The following GALNT18 variants were observed in gnomAD, a reference collection of about 807,000 sequenced individuals.
GALNT18 encodes GalNAc-transferase 18.
GALNT18 carries 44 observed loss-of-function variants against 69.5 expected under a neutral mutation model. The observed-to-expected ratio is 0.63, with a 90% confidence interval of 0.50 to 0.81. The LOEUF (loss-of-function observed/expected upper bound fraction) is 0.81, where lower values mean the gene tolerates loss of function less well. GALNT18 is among the 40% of genes least tolerant of loss of function. The pLI is 0.00. For missense variants in GALNT18, 715 were observed against 810.0 expected (o/e 0.88, Z 1.42); for synonymous variants, 364 against 318.2 (o/e 1.14, Z -1.53).
At chr11:11,557,132 C>G (rs560316556) in intron 1 of GALNT18, among the ~76,000 whole-genome samples, 3 of 152,086 alleles carry the variant, frequency 2.0e-5, no homozygotes, top group Admixed American at 2.0e-4. Context: ...TTAAGGAACT[C>G]CAGGGTGTCA....
intron 1 of GALNT18, among the ~76,000 whole-genome samples, chr11:11,460,855 C>T (rs1342411439): frequency 1.3e-5 from 2 of 152,094 alleles, no homozygotes; most frequent in African/African-American, 4.8e-5. Context: ...GATTCAGAAC[C>T]CTCTGAGAAA....
At chr11:11,280,807 T>G (rs1849057293) in intron 10 of GALNT18, among the ~76,000 whole-genome samples, 1 of 152,154 alleles carries the variant, frequency 6.6e-6, no homozygotes, top group Non-Finnish European at 1.5e-5. Context: ...GTGCTCCTGA[T>G]GGGTGTGAAG....
intron 9 of GALNT18, among the ~76,000 whole-genome samples, chr11:11,295,127 G>A (rs189835299): frequency 1.3e-5 from 2 of 152,350 alleles, no homozygotes; most frequent in Non-Finnish European, 2.9e-5. Flanking sequence ...GTGCAGGTGA[G>A]GAGGGTGAGT....
intron 1 of GALNT18, among the ~76,000 whole-genome samples, chr11:11,488,096 T>C (rs1282495868): frequency 6.6e-6 from 1 of 151,550 alleles, no homozygotes; most frequent in Non-Finnish European, 1.5e-5. Flanking sequence ...CTGTGCCTAT[T>C]TTATAGAGTA....
Position 11,562,589 on chromosome 11 carries a change from T to C in GALNT18, c.235+58770A>G, listed in dbSNP as rs1858539644. Among the ~76,000 whole-genome samples the C allele has an allele frequency of 6.6e-6, 1 of 152,062 alleles. No homozygotes were observed. Among genetic ancestry groups the C allele is most frequent in the South Asian group, 2.1e-4 (1 of 4,826 alleles). On this transcript the variant is annotated intron_variant, in intron 1 of 10. Transcript: ENST00000227756. This position sits in a 1 kb window ranked among gnomAD's most constrained non-coding sequence, Gnocchi z 4.1. The stretch of plus-strand genomic sequence containing the variant: ...CACCCACCACCATCACCATCAAACC[T>C]GCCTCCTACCCCAGCAACCCCATGG...
chr11:11,433,513 C>T (rs762238954), intron 2 of GALNT18, among the ~76,000 whole-genome samples: 1 of 152,214 alleles, frequency 6.6e-6, no homozygotes, highest in Non-Finnish European at 1.5e-5. Context: ...ACCAGGATCT[C>T]TCCTTGAAGC....
chr11:11,372,404 C>T lies in GALNT18; in HGVS notation c.1092+111G>A, dbSNP rs2133676168. On this transcript the variant is annotated intron_variant, in intron 6 of 10. Transcript: ENST00000227756. This position sits in a 1 kb window ranked among gnomAD's most constrained non-coding sequence, Gnocchi z 4.9. ...ATCACACACAGGATTCAGGACTGGA[C>T]ATTCAGAATCAGTCTGTGACCCTCA... 3.8e-6 allele frequency: 3 copies of T among 783,046 alleles called. No individual in the cohort carries two copies. The highest frequency in any genetic ancestry group is 4.0e-5 in the Admixed American group (2 of 50,312). 48.5% of individuals were successfully genotyped at this position (783,046 alleles called of 1,614,324 possible).
rs112225707 is a variant in GALNT18, at chr11:11,584,329, A to G, written c.235+37030T>C. On this transcript the variant is annotated intron_variant, in intron 1 of 10. Transcript: ENST00000227756. The surrounding 1 kb of genome is among the most constrained non-coding windows in gnomAD (Gnocchi z 4.1). ...TAAATAAATAACACCTTGCAAACAC[A>G]AGGGGACAGTTTGTATTTTAAAGTC... Among the ~76,000 whole-genome samples, 4,624 of 152,268 alleles carry G rather than the reference A, an allele frequency of 0.03. 219 individuals carry two copies. The highest frequency in any genetic ancestry group is 0.11 in the African/African-American group (4,367 of 41,520).
intron 6 of GALNT18, among the ~76,000 whole-genome samples, chr11:11,357,200 A>C (rs954707300): frequency 6.6e-6 from 1 of 152,038 alleles, no homozygotes; most frequent in African/African-American, 2.4e-5. Flanking sequence ...AGACCTTGGG[A>C]ATTTCAGGCC....
At chr11:11,572,729 C>T (rs543677246) in intron 1 of GALNT18, among the ~76,000 whole-genome samples, 5 of 152,168 alleles carry the variant, frequency 3.3e-5, no homozygotes, top group African/African-American at 7.2e-5. Context: ...AGATGGCCCT[C>T]GCAACCCTCG....
chr11:11,610,481 T>C (rs369816909), intron 1 of GALNT18, among the ~76,000 whole-genome samples: 12 of 152,334 alleles, frequency 7.9e-5, no homozygotes, highest in African/African-American at 2.6e-4. Flanking sequence ...TTAATTCTCT[T>C]CCTCTTCCCA....
chr11:11,346,323 A>C (rs1286352956), intron 6 of GALNT18, among the ~76,000 whole-genome samples: 1 of 152,238 alleles, frequency 6.6e-6, no homozygotes, highest in Non-Finnish European at 1.5e-5. Context: ...TGAATGAGTG[A>C]ATCTAGGAAT....
rs1337676695 is a variant in GALNT18 at position 11,581,211 on chromosome 11, A to C, written c.235+40148T>G. ...GGGCTGGAGTAGGGGCCCCGACAGC[A>C]CTGTCCATGCTGGTGTTGATGAGTA... On this transcript the variant is annotated intron_variant, in intron 1 of 10. Transcript: ENST00000227756. Among the ~76,000 whole-genome samples the C allele has an allele frequency of 2.2e-4, 33 of 152,236 alleles. 2 individuals carry two copies. The highest frequency in any genetic ancestry group is 2.2e-3 in the Admixed American group (33 of 15,288).
In GALNT18 at chr11:11,542,010, C is replaced by T. The variant is rs1054711818; in HGVS notation, c.235+79349G>A. Among the ~76,000 whole-genome samples the T allele has an allele frequency of 1.2e-4, 18 of 152,112 alleles. No homozygotes were observed. The highest frequency in any genetic ancestry group is 4.1e-4 in the African/African-American group (17 of 41,432). Reference sequence around the variant, plus strand: ...ACCCTTCAGAAGACCCCAGAGACCCCGCTGTAAATATGAAGGAGCCAACCA... The same window carrying T: ...ACCCTTCAGAAGACCCCAGAGACCCTGCTGTAAATATGAAGGAGCCAACCA... On this transcript the variant is annotated intron_variant, in intron 1 of 10. Coordinates refer to ENST00000227756, the MANE Select transcript of GALNT18 (RefSeq NM_198516.3). The surrounding 1 kb of genome is among the most constrained non-coding windows in gnomAD (Gnocchi z 4.3).
intron 6 of GALNT18, among the ~76,000 whole-genome samples, chr11:11,362,189 G>A (rs781708904): frequency 2.6e-5 from 4 of 152,014 alleles, no homozygotes; most frequent in Non-Finnish European, 5.9e-5. Flanking sequence ...TGAATGAATC[G>A]GAGACTAAAA....
chr11:11,578,965 C>T (rs1859000818), intron 1 of GALNT18, among the ~76,000 whole-genome samples: 1 of 152,172 alleles, frequency 6.6e-6, no homozygotes, highest in Admixed American at 6.5e-5. Flanking sequence ...ATGGGGTGGC[C>T]TCTCTTGCCC....
intron 9 of GALNT18, among the ~76,000 whole-genome samples, chr11:11,293,581 C>T (rs959755352): frequency 7.8e-5 from 9 of 115,552 alleles, no homozygotes; most frequent in Admixed American, 1.3e-4. Context: ...TGCTCTGTTG[C>T]CCAGCCTGGA....
In GALNT18 at chr11:11,315,860, C is replaced by A. The variant is rs188308491; in HGVS notation, c.1512+11226G>T. Among the ~76,000 whole-genome samples the A allele has an allele frequency of 6.6e-6, 1 of 152,180 alleles. No individual in the cohort carries two copies. Among genetic ancestry groups the A allele is most frequent in the Non-Finnish European group, 1.5e-5 (1 of 68,022 alleles). On this transcript the variant is annotated intron_variant, in intron 9 of 10. Coordinates refer to ENST00000227756, the MANE Select transcript of GALNT18 (RefSeq NM_198516.3). This position sits in a 1 kb window ranked among gnomAD's most constrained non-coding sequence, Gnocchi z 5.6. ...ATTGCACATCCACCACTACCCTGCACCCCCTCAAACAACCATCCTGCACCG... is the reference window on the plus strand; with the variant it reads ...ATTGCACATCCACCACTACCCTGCAACCCCTCAAACAACCATCCTGCACCG...
rs1379842568 is a variant in GALNT18 at position 11,523,395 on chromosome 11, G to A, written c.236-74459C>T. 2.0e-5 allele frequency among the ~76,000 whole-genome samples: 3 copies of A among 152,104 alleles called. No homozygotes were observed. Among genetic ancestry groups the A allele is most frequent in the African/African-American group, 4.8e-5 (2 of 41,406 alleles). On this transcript the variant is annotated intron_variant, in intron 1 of 10. Coordinates refer to ENST00000227756, the MANE Select transcript of GALNT18 (RefSeq NM_198516.3). This position sits in a 1 kb window ranked among gnomAD's most constrained non-coding sequence, Gnocchi z 4.3. ...TTGCTTGCTCTGTGCAGAGGTAACC[G>A]AGAGCTACCTCTAGAGGTCTTCAAA...
Sources: gnomAD v4.1 joint callset for allele counts (sites outside exome capture counted in the v4.1 genomes callset) on GRCh38, gnomAD v4.1.1 for gene constraint, Gnocchi (gnomAD v3.1) non-coding constraint, MANE v1.5 for transcripts, NCBI Gene and HGNC (gene_info 2026-07-23, HGNC 2026-07-21) for gene names.